Variants in ZEB2 observed in about 807,000 individuals in gnomAD.
ZEB2 encodes the protein zinc finger E-box binding homeobox 2.
ZEB2 carries 6 observed loss-of-function variants against 99.9 expected under a neutral mutation model. The ratio of observed to expected loss-of-function variants is 0.06; its 90% CI spans 0.03 to 0.12. The LOEUF (loss-of-function observed/expected upper bound fraction) is 0.12, where lower values mean the gene tolerates loss of function less well. Ranked by LOEUF, ZEB2 falls within the 10% of genes least tolerant of loss-of-function variation. The pLI, the probability that ZEB2 is intolerant of heterozygous loss-of-function variation, is 1.00. For synonymous variants in ZEB2, 517 were observed against 542.5 expected (o/e 0.95, Z 0.65); for missense variants, 969 against 1,502.8 (o/e 0.64, Z 5.87).
rs1703108479 is a variant in ZEB2, at chr2:144,388,128, C to CA, written c.*1322dup. 6.6e-6 allele frequency: 1 copy of CA among 152,386 alleles called. No homozygotes were observed. The highest frequency in any genetic ancestry group is 1.5e-5 in the Non-Finnish European group (1 of 67,960). 9.4% of individuals were successfully genotyped at this position (152,386 alleles called of 1,614,324 possible). ...TCAGGAAAGATTTTTGTCATGGTAT[C>CA]ATACATTGTATTTAACAGTCCCTCT... On this transcript the variant is annotated 3_prime_UTR_variant, in exon 10 of 10. Coordinates refer to ENST00000627532, the MANE Select transcript of ZEB2 (RefSeq NM_014795.4). This position sits in a 1 kb window ranked among gnomAD's most constrained non-coding sequence, Gnocchi z 5.4.
At chr2:144,462,126 A>G (rs1380707593) in intron 2 of ZEB2, 1 of 152,186 alleles carries the variant, frequency 6.6e-6, no homozygotes, top group Non-Finnish European at 1.5e-5. Flanking sequence ...AAAGAGGTGC[A>G]ATAACTTTGG....
At chr2:144,502,182 T>C (rs1704882053) in intron 2 of ZEB2, among the ~76,000 whole-genome samples, 1 of 152,216 alleles carries the variant, frequency 6.6e-6, no homozygotes, top group Non-Finnish European at 1.5e-5. Context: ...TTTAGGCTGC[T>C]GAGTATTTTT....
At chr2:144,507,668 G>C (rs1005478907) in intron 2 of ZEB2, among the ~76,000 whole-genome samples, 1 of 152,110 alleles carries the variant, frequency 6.6e-6, no homozygotes, top group African/African-American at 2.4e-5. Context: ...CACTGTAAAC[G>C]TACATGGCTT....
chr2:144,411,072 T>C (rs1228260514), intron 4 of ZEB2, among the ~76,000 whole-genome samples: 1 of 105,094 alleles, frequency 9.5e-6, no homozygotes, highest in African/African-American at 3.2e-5. Flanking sequence ...TATATATATA[T>C]ATATATATAT....
At chr2:144,510,801 T>C (rs1258296870) in intron 2 of ZEB2, among the ~76,000 whole-genome samples, 1 of 152,126 alleles carries the variant, frequency 6.6e-6, no homozygotes, top group Non-Finnish European at 1.5e-5. Flanking sequence ...TGAATTGTGA[T>C]TAAGAAGAAG....
chr2:144,470,879 A>C (rs1316292132), intron 2 of ZEB2, among the ~76,000 whole-genome samples: 1 of 152,174 alleles, frequency 6.6e-6, no homozygotes, highest in Non-Finnish European at 1.5e-5. Context: ...CCAGTTCTGA[A>C]GTAACCCTTT....
chr2:144,439,051 A>T (rs1447056654), intron 2 of ZEB2, among the ~76,000 whole-genome samples: 3 of 151,392 alleles, frequency 2.0e-5, no homozygotes, highest in Non-Finnish European at 2.9e-5. Context: ...AATTTCTGTC[A>T]TGAGGCACTG....
rs1344272590 is a variant in ZEB2 at position 144,388,159 on chromosome 2, G to A, written c.*1292C>T. On this transcript the variant is annotated 3_prime_UTR_variant, in exon 10 of 10. Coordinates refer to ENST00000627532, the MANE Select transcript of ZEB2 (RefSeq NM_014795.4). The surrounding 1 kb of genome is among the most constrained non-coding windows in gnomAD (Gnocchi z 5.4). The stretch of plus-strand genomic sequence containing the variant: ...TTGTATTTAACAGTCCCTCTTTTTA[G>A]CTAAAAAACAAGATGAAGAAAGTGG... 6.6e-6 allele frequency: 1 copy of A among 152,278 alleles called. No individual in the cohort carries two copies. Among genetic ancestry groups the A allele is most frequent in the African/African-American group, 2.4e-5 (1 of 41,326 alleles). The allele number at this position is 152,278 out of a possible 1,614,324, so 9.4% of individuals were successfully genotyped here.
chr2:144,399,614 T>C lies in ZEB2; in HGVS notation c.1573A>G (p.Ile525Val). ...VVSHNGATKS[I>V]IDYTLEKVNE... ...ACTTTTTCCAACGTATAGTCAATAA[T>C]ACTTTTAGTGGCACCATTATGACTC... Residue 525 changes from isoleucine to valine, a missense_variant, in exon 8 of 10, where the codon ATT becomes GTT. Coordinates refer to ENST00000627532, the MANE Select transcript of ZEB2 (RefSeq NM_014795.4). The surrounding 1 kb of genome is among the most constrained non-coding windows in gnomAD (Gnocchi z 5.6). The C allele has an allele frequency of 6.2e-7, 1 of 1,614,216 alleles. No individual in the cohort carries two copies. Among genetic ancestry groups the C allele is most frequent in the Non-Finnish European group, 8.5e-7 (1 of 1,180,034 alleles).
chr2:144,419,264 A>G (rs1703586248), intron 4 of ZEB2, among the ~76,000 whole-genome samples: 1 of 152,220 alleles, frequency 6.6e-6, no homozygotes, highest in Admixed American at 6.5e-5. Flanking sequence ...AAGTTTGACT[A>G]TAGTTAGAGT....
intron 2 of ZEB2, among the ~76,000 whole-genome samples, chr2:144,436,809 C>T (rs1238778805): frequency 1.3e-5 from 2 of 151,994 alleles, no homozygotes; most frequent in African/African-American, 4.8e-5. Context: ...AAAGCAAGGA[C>T]CCTCCCTTTG....
chr2:144,393,401 C>T (rs1029339689), intron 9 of ZEB2, among the ~76,000 whole-genome samples: 2 of 152,212 alleles, frequency 1.3e-5, no homozygotes, highest in African/African-American at 4.8e-5. Flanking sequence ...TGTAGACAGA[C>T]ATCACAAACA....
chr2:144,399,220 A>G lies in ZEB2; in HGVS notation c.1967T>C (p.Met656Thr), dbSNP rs778110458. Residue 656 changes from methionine (M) to threonine (T), a missense_variant, in exon 8 of 10, where the codon ATG (methionine) becomes ACG (threonine). By Grantham distance (81) the Met-to-Thr change is moderately conservative (BLOSUM62 -1). Transcript: ENST00000627532. This position sits in a 1 kb window ranked among gnomAD's most constrained non-coding sequence, Gnocchi z 5.6. ...AGCATAGTATGCTTTGAGTACAGACATGTGGTCCTTGTATGGGTTGATGGG... is the reference window on the plus strand; with the variant it reads ...AGCATAGTATGCTTTGAGTACAGACGTGTGGTCCTTGTATGGGTTGATGGG... ...TSPINPYKDH[M>T]SVLKAYYAMN... 2 of 1,614,168 alleles carry G rather than the reference A, an allele frequency of 1.2e-6. No individual in the cohort carries two copies. The highest frequency in any genetic ancestry group is 1.7e-6 in the Non-Finnish European group (2 of 1,180,018).
chr2:144,415,462 T>C (rs16823675), intron 4 of ZEB2, among the ~76,000 whole-genome samples: 38,980 of 152,092 alleles, frequency 0.26, 5,358 homozygotes, highest in African/African-American at 0.35. Flanking sequence ...ACTCGTTATT[T>C]TCCTCCCATG....
rs1553968377 is a variant in ZEB2, at chr2:144,483,148, A to ACACACACACACATG, written c.73+34129_73+34130insCATGTGTGTGTGTG. ...CACACACACACACACACACACACAC[A>ACACACACACACATG]CACACACACACACACATACCCTAAG... On this transcript the variant is annotated intron_variant, in intron 2 of 9. Coordinates refer to ENST00000627532, the MANE Select transcript of ZEB2 (RefSeq NM_014795.4). Among the ~76,000 whole-genome samples the ACACACACACACATG allele has an allele frequency of 3.3e-3, 479 of 144,112 alleles. 2 individuals are homozygous for ACACACACACACATG. The highest frequency in any genetic ancestry group is 0.012 in the South Asian group (53 of 4,570). 94.5% of individuals were successfully genotyped at this position (144,112 alleles called of 152,430 possible).
At chr2:144,504,079 G>GAAAAAAAAAAAAAAA (rs199809708) in intron 2 of ZEB2, 2 of 80,284 alleles carry the variant, frequency 2.5e-5, no homozygotes, top group South Asian at 4.8e-4. Flanking sequence ...TTAACAATTA[G>GAAAAAAAAAAAAAAA]AAAAAAAAAA....
chr2:144,501,402 A>G (rs1704867266), intron 2 of ZEB2, among the ~76,000 whole-genome samples: 1 of 152,154 alleles, frequency 6.6e-6, no homozygotes, highest in Admixed American at 6.5e-5. Flanking sequence ...AAAGGAAACT[A>G]TTTACGAGAC....
intron 6 of ZEB2, among the ~76,000 whole-genome samples, chr2:144,403,427 T>TA (rs1189643353): frequency 2.0e-5 from 3 of 152,084 alleles, no homozygotes; most frequent in Non-Finnish European, 4.4e-5. Context: ...TTAAAACACT[T>TA]AATCAGATTT....
In ZEB2 at chr2:144,387,270, A is replaced by G. The variant is rs886054885; in HGVS notation, c.*2181T>C. ...TCTAAAGTAGAAAAAATACATGGAC[A>G]GCTACTATATTATAGTTCTGTATAT... On this transcript the variant is annotated 3_prime_UTR_variant, in exon 10 of 10. Transcript: ENST00000627532. 3.3e-5 allele frequency: 5 copies of G among 152,094 alleles called. No homozygotes were observed. The highest frequency in any genetic ancestry group is 7.4e-5 in the Non-Finnish European group (5 of 67,988). The allele number at this position is 152,094 out of a possible 1,614,324, so 9.4% of individuals were successfully genotyped here.
Sources: gnomAD v4.1 joint callset for allele counts (sites outside exome capture counted in the v4.1 genomes callset) on GRCh38, gnomAD v4.1.1 for gene constraint, Gnocchi (gnomAD v3.1) non-coding constraint, MANE v1.5 for transcripts, NCBI Gene and HGNC (gene_info 2026-07-23, HGNC 2026-07-21) for gene names.